LY96: variants seen among roughly 807,000 people sequenced by gnomAD.
LY96 encodes myeloid differentiation protein-2.
In LY96, 18 loss-of-function variants were observed where a neutral mutation model predicts 18.9. That is an observed-to-expected ratio of 0.95 (90% CI 0.66 to 1.41). The LOEUF is 1.41. Ranked by LOEUF, LY96 falls within the 40% of genes most tolerant of loss-of-function variation. LY96 has a pLI of 0.00. For missense variants in LY96, 175 were observed against 182.4 expected (o/e 0.96, Z 0.23); for synonymous variants, 66 against 62.6 (o/e 1.06, Z -0.26).
At position 74,001,617 on chromosome 8, in the gene LY96, T is replaced by C. The variant is rs577713692; in HGVS notation, c.113-3179T>C. On this transcript the variant is annotated intron_variant, in intron 1 of 4. Transcript: ENST00000284818. ...CTGTAATGCCAGCACTTTGGGATGC[T>C]GAGGCAGGAAGATCACTTGAGTCCA... Among the ~76,000 whole-genome samples, 7 of 151,786 alleles carry C rather than the reference T, an allele frequency of 4.6e-5. No individual in the cohort carries two copies. In the South Asian group the frequency reaches 1.5e-3, roughly 32 times the overall value.
At chr8:74,063,935 T>C in the LY96 span, among the ~76,000 whole-genome samples, 1 of 152,184 alleles carries the variant, frequency 6.6e-6, no homozygotes, top group East Asian at 1.9e-4. Context: ...CTCCAATCCT[T>C]GTGACTTTTT....
chr8:74,056,406 A>G, the LY96 span: 136 of 244,384 alleles, frequency 5.6e-4, 1 homozygote, highest in East Asian at 0.019. Flanking sequence ...CTTAAAAGAG[A>G]CAATCAATAA....
the LY96 span, among the ~76,000 whole-genome samples, chr8:74,054,563 T>TTC: frequency 2.5e-4 from 22 of 87,696 alleles, no homozygotes; most frequent in African/African-American, 9.3e-4. Context: ...TTCCTTCCTT[T>TTC]CTTCCCTCCC....
chr8:74,011,945 G>A (rs910300365), intron 3 of LY96, among the ~76,000 whole-genome samples: 10 of 101,226 alleles, frequency 9.9e-5, no homozygotes, highest in African/African-American at 6.7e-4. Flanking sequence ...TGGTCAATAG[G>A]TATATTACTA....
chr8:73,997,648 C>G (rs1221727797), intron 1 of LY96, among the ~76,000 whole-genome samples: 12 of 152,176 alleles, frequency 7.9e-5, no homozygotes, highest in Admixed American at 7.9e-4. Flanking sequence ...CCTCCCACAT[C>G]AGATGCCATG....
chr8:74,035,600 C>T, the LY96 span, among the ~76,000 whole-genome samples: 1 of 152,148 alleles, frequency 6.6e-6, no homozygotes, highest in Non-Finnish European at 1.5e-5. Flanking sequence ...ATCAGACATG[C>T]CTCAGTATGC....
chr8:74,040,892 T>C, the LY96 span, among the ~76,000 whole-genome samples: 8 of 151,980 alleles, frequency 5.3e-5, no homozygotes, highest in African/African-American at 1.4e-4. Context: ...TTAGTACAGA[T>C]GGGGTTTCAC....
At chr8:74,034,898 C>T in the LY96 span, among the ~76,000 whole-genome samples, 2 of 152,168 alleles carry the variant, frequency 1.3e-5, no homozygotes, top group African/African-American at 4.8e-5. Context: ...GATGCCTAAA[C>T]AGCCAGTAAA....
At chr8:74,015,957 A>T (rs1011088793) in intron 3 of LY96, among the ~76,000 whole-genome samples, 3 of 152,224 alleles carry the variant, frequency 2.0e-5, no homozygotes, top group Non-Finnish European at 4.4e-5. Context: ...CACAGAAGAC[A>T]GGTGTTTTCT....
At chr8:73,993,562 C>T (rs1270992282) in intron 1 of LY96, among the ~76,000 whole-genome samples, 1 of 152,150 alleles carries the variant, frequency 6.6e-6, no homozygotes, top group Non-Finnish European at 1.5e-5. Flanking sequence ...CCTGCCTCAG[C>T]CTCCCGAGTA....
the LY96 span, among the ~76,000 whole-genome samples, chr8:74,084,790 T>G: frequency 6.6e-6 from 1 of 152,156 alleles, no homozygotes; most frequent in African/African-American, 2.4e-5. Flanking sequence ...ATTTTTTGTA[T>G]TTTTAGTAGA....
rs552194843 is a variant in LY96, at chr8:74,029,062, T to C, written c.*8T>C. 3.2e-6 allele frequency: 5 copies of C among 1,554,764 alleles called. No individual in the cohort carries two copies. In the African/African-American group the frequency reaches 6.8e-5, roughly 21 times the overall value. The stretch of plus-strand genomic sequence containing the variant: ...CAACCTAATTCAAATTAGAATAAAT[T>C]GAGTATTTAAAAAAAAATTTAAAGG... On this transcript the variant is annotated 3_prime_UTR_variant, in exon 5 of 5. Coordinates refer to ENST00000284818, the MANE Select transcript of LY96 (RefSeq NM_015364.5).
chr8:74,026,940 C>A, intron 4 of LY96, 99 bp downstream of exon 4: 1 of 539,028 alleles, frequency 1.9e-6, no homozygotes, highest in Non-Finnish European at 3.3e-6. Context: ...CTTTTTCTTT[C>A]TTTTTTTTTT....
At chr8:74,063,214 T>A in the LY96 span, among the ~76,000 whole-genome samples, 3,711 of 152,304 alleles carry the variant, frequency 0.024, 128 homozygotes, top group African/African-American at 0.082. Context: ...GTGGTTAGCT[T>A]ACTCCAGTGT....
chr8:74,043,798 C>T, the LY96 span, among the ~76,000 whole-genome samples: 4 of 152,174 alleles, frequency 2.6e-5, no homozygotes, highest in South Asian at 8.3e-4. Context: ...ATACTTAGGC[C>T]TCTAAAATTA....
At chr8:74,026,650 G>A (rs934714919) in intron 3 of LY96, 139 bp from the exon 4 acceptor site, 1 of 652,336 alleles carries the variant, frequency 1.5e-6, no homozygotes. Context: ...AGCAGCCAGG[G>A]TATAAAAGAT....
intron 4 of LY96, 128 bp from the exon 5 acceptor site, chr8:74,028,828 C>G: frequency 1.8e-6 from 1 of 568,700 alleles, no homozygotes; most frequent in Non-Finnish European, 3.1e-6. Context: ...AATTTCGTCT[C>G]ATTGGAAAAC....
the LY96 span, among the ~76,000 whole-genome samples, chr8:74,094,381 G>A: frequency 2.6e-5 from 4 of 152,150 alleles, no homozygotes; most frequent in East Asian, 3.8e-4. Flanking sequence ...CATGCATCCT[G>A]TCTTTCTGTG....
At chr8:74,003,813 C>T (rs139146287) in intron 1 of LY96, among the ~76,000 whole-genome samples, 93 of 152,320 alleles carry the variant, frequency 6.1e-4, no homozygotes, top group African/African-American at 2.0e-3. Context: ...CAGCCTAATA[C>T]AGGAAAGCTT....
Sources: gnomAD v4.1 joint callset for allele counts (sites outside exome capture counted in the v4.1 genomes callset) on GRCh38, gnomAD v4.1.1 for gene constraint, MANE v1.5 for transcripts, NCBI Gene and HGNC (gene_info 2026-07-23, HGNC 2026-07-21) for gene names.